RPS6KA3: variants seen among roughly 807,000 people sequenced by gnomAD.
The protein encoded by RPS6KA3 is ribosomal protein S6 kinase A3.
Under a neutral mutation model 67.2 loss-of-function variants are expected in RPS6KA3, and 4 were observed. The observed-to-expected ratio is 0.06, with a 90% CI of 0.03 to 0.14. RPS6KA3 has a LOEUF of 0.14. Among genes scored for constraint, RPS6KA3 ranks in the 10% least tolerant of loss-of-function variants. The pLI, the probability that RPS6KA3 is intolerant of heterozygous loss-of-function variation, is 1.00. For synonymous variants in RPS6KA3, 182 were observed against 183.7 expected (o/e 0.99, Z 0.07); for missense variants, 204 against 559.0 (o/e 0.36, Z 6.40).
At chrX:20,265,735 G>C (rs2070358834) in intron 1 of RPS6KA3, 1 of 110,703 alleles carries the variant, frequency 9.0e-6, no homozygotes, top group Non-Finnish European at 1.9e-5. Context: ...GTGTAGTGAT[G>C]CGCCCGGGGA....
chrX:20,196,185 T>C (rs957558090), intron 4 of RPS6KA3, among the ~76,000 whole-genome samples: 1 of 112,644 alleles, frequency 8.9e-6, no homozygotes, highest in Non-Finnish European at 1.9e-5. Flanking sequence ...AGCAAAGATG[T>C]GAAGGCATGA....
At chrX:20,259,204 T>C (rs2070156873) in intron 1 of RPS6KA3, among the ~76,000 whole-genome samples, 1 of 111,544 alleles carries the variant, frequency 9.0e-6, no homozygotes, top group Non-Finnish European at 1.9e-5. Flanking sequence ...TATTCTCTAG[T>C]AAGTGAAAAC....
At chrX:20,253,345 G>T (rs1481409414) in intron 1 of RPS6KA3, among the ~76,000 whole-genome samples, 1 of 111,056 alleles carries the variant, frequency 9.0e-6, no homozygotes, top group African/African-American at 3.3e-5. Flanking sequence ...TTGTCTAAAG[G>T]AAACAGGCTT....
At chrX:20,167,789 A>G (rs769638464) in intron 16 of RPS6KA3, 42 bp from the exon 17 acceptor site, 5 of 873,198 alleles carry the variant, frequency 5.7e-6, no homozygotes, top group Non-Finnish European at 8.5e-6. Context: ...ATTTGAAACT[A>G]TATGTGCCCA....
At position 20,166,709 on chromosome X, in the gene RPS6KA3, C is replaced by T. The variant is rs192122008; in HGVS notation, c.1602+880G>A. On this transcript the variant is annotated intron_variant, in intron 17 of 21. Transcript: ENST00000379565. ...ATTTTCTCCTTTCCTCCCAGACTTC[C>T]CTTCTTTTTTTTTTTTTTTTTTTTT... 9.6e-3 allele frequency among the ~76,000 whole-genome samples: 1,004 copies of T among 104,297 alleles called. 4 individuals are homozygous for T. Among genetic ancestry groups the T allele is most frequent in the Non-Finnish European group, 0.016 (811 of 51,181 alleles). 90.6% of individuals were successfully genotyped at this position (104,297 alleles called of 115,157 possible). A position where few individuals can be genotyped will look rare whatever the true frequency, so the allele number is the denominator to read the frequency against.
At chrX:20,173,050 G>C (rs1182217098) in intron 14 of RPS6KA3, among the ~76,000 whole-genome samples, 179 bp from the exon 15 acceptor site, 2 of 112,172 alleles carry the variant, frequency 1.8e-5, no homozygotes, top group Non-Finnish European at 3.8e-5. Context: ...TGTTTACAAT[G>C]AAGTGTACAG....
rs59662504 is a variant in RPS6KA3, at chrX:20,178,481, G to GTTTTT, written c.846-1402_846-1398dup. Reference sequence around the variant, plus strand: ...TGAGAAATCTAGAGCAAACAAATCAGTTTTTTTTTTTTTTTTTTTTAAGAC... The same window carrying GTTTTT: ...TGAGAAATCTAGAGCAAACAAATCAGTTTTTTTTTTTTTTTTTTTTTTTTTAAGAC... On this transcript the variant is annotated intron_variant, in intron 10 of 21. Transcript: ENST00000379565. Among the ~76,000 whole-genome samples, 558 of 84,378 alleles carry GTTTTT rather than the reference G, an allele frequency of 6.6e-3. 3 individuals are homozygous for GTTTTT. Among genetic ancestry groups the GTTTTT allele is most frequent in the African/African-American group, 0.018 (400 of 22,146 alleles). 73.3% of individuals were successfully genotyped at this position (84,378 alleles called of 115,157 possible). A position where few individuals can be genotyped will look rare whatever the true frequency, so the allele number is the denominator to read the frequency against.
At chrX:20,253,590 T>C (rs765672214) in intron 1 of RPS6KA3, among the ~76,000 whole-genome samples, 71 of 111,507 alleles carry the variant, frequency 6.4e-4, no homozygotes, top group Non-Finnish European at 7.2e-4. Flanking sequence ...CAAGGAGGAA[T>C]AGGGGTCCTC....
intron 2 of RPS6KA3, among the ~76,000 whole-genome samples, chrX:20,216,460 A>C (rs1438816890): frequency 9.0e-6 from 1 of 111,320 alleles, no homozygotes; most frequent in East Asian, 2.8e-4. Context: ...AATGGACCAA[A>C]AACTTTGCCG....
At chrX:20,205,108 T>G (rs1342612010) in intron 3 of RPS6KA3, among the ~76,000 whole-genome samples, 1 of 112,299 alleles carries the variant, frequency 8.9e-6, no homozygotes, top group African/African-American at 3.2e-5. Context: ...TGCAAATATT[T>G]GCGCAAAATG....
At position 20,209,289 on chromosome X, in the gene RPS6KA3, T is replaced by A; in HGVS notation, c.242A>T (p.Lys81Met). ...AAAAAGCACACACTCATGACTTACC[T>A]TTCCAAATGATCCCTGCCCTAATAC... is the stretch of plus-strand genomic sequence containing the variant. ...LKVLGQGSFG[K>M]VFLVKKISGS... Residue 81 changes from lysine to methionine, a missense_variant and splice_region_variant, in exon 3 of 22, where the codon AAG becomes ATG. Lys to Met is a moderately conservative substitution (Grantham distance 95, BLOSUM62 -1). Coordinates refer to ENST00000379565, the MANE Select transcript of RPS6KA3 (RefSeq NM_004586.3). 9.1e-7 allele frequency: 1 copy of A among 1,100,551 alleles called. No homozygotes were observed. Among genetic ancestry groups the A allele is most frequent in the Non-Finnish European group, 1.3e-6 (1 of 794,702 alleles). 90.7% of individuals were successfully genotyped at this position (1,100,551 alleles called of 1,213,427 possible). A position where few individuals can be genotyped will look rare whatever the true frequency, so the allele number is the denominator to read the frequency against.
rs1207853853 is a variant in RPS6KA3, at chrX:20,152,093, C to A, written c.*3305G>T. On this transcript the variant is annotated 3_prime_UTR_variant, in exon 22 of 22. Transcript: ENST00000379565. ...ATGTGGAAACTCTACAGCATACACA[C>A]CACAGCTTCTCTCCAGACAATCATA... is the stretch of plus-strand genomic sequence containing the variant. 8.9e-6 allele frequency: 1 copy of A among 112,206 alleles called. No individual in the cohort carries two copies. Among genetic ancestry groups the A allele is most frequent in the Non-Finnish European group, 1.9e-5 (1 of 53,294 alleles). The allele number at this position is 112,206 out of a possible 1,213,427, so 9.2% of individuals were successfully genotyped here.
chrX:20,194,895 A>G (rs1342773947), intron 5 of RPS6KA3, among the ~76,000 whole-genome samples, 170 bp downstream of exon 5: 1 of 111,548 alleles, frequency 9.0e-6, no homozygotes, highest in African/African-American at 3.3e-5. Flanking sequence ...AAACAATAAA[A>G]GCTTCTAAAG....
chrX:20,207,640 G>T, intron 3 of RPS6KA3, among the ~76,000 whole-genome samples: 1 of 111,512 alleles, frequency 9.0e-6, no homozygotes. Context: ...AGGAAATGGG[G>T]ATCCAAGAGG....
intron 1 of RPS6KA3, among the ~76,000 whole-genome samples, chrX:20,257,175 AG>A (rs1330497661): frequency 8.9e-6 from 1 of 111,791 alleles, no homozygotes. Flanking sequence ...TGACTTGTCA[AG>A]GGGGGCACTC....
Position 20,156,096 on chromosome X carries a change from T to G in RPS6KA3, c.2100+13A>C. Reference sequence around the variant, plus strand: ...GGACCTGTGGAAAACAGTGACTGTATGGGGCTGCTCACCTTTACTAGATGT... The same window carrying G: ...GGACCTGTGGAAAACAGTGACTGTAGGGGGCTGCTCACCTTTACTAGATGT... On this transcript the variant is annotated intron_variant, in intron 21 of 21. Coordinates refer to ENST00000379565, the MANE Select transcript of RPS6KA3 (RefSeq NM_004586.3). The G allele has an allele frequency of 8.3e-7, 1 of 1,210,466 alleles. No individual in the cohort carries two copies. Among genetic ancestry groups the G allele is most frequent in the Non-Finnish European group, 1.1e-6 (1 of 894,692 alleles).
rs924768647 is a variant in RPS6KA3 at position 20,150,561 on chromosome X, A to G, written c.*4837T>C. On this transcript the variant is annotated 3_prime_UTR_variant, in exon 22 of 22. Transcript: ENST00000379565. The stretch of plus-strand genomic sequence containing the variant: ...TTAGATGGTAAACTACACTTACAGA[A>G]ACACAAACCAAAATCTTTATGCCCT... 6.2e-5 allele frequency: 7 copies of G among 112,627 alleles called. No homozygotes were observed. Among genetic ancestry groups the G allele is most frequent in the African/African-American group, 2.3e-4 (7 of 30,956 alleles). The allele number at this position is 112,627 out of a possible 1,213,427, so 9.3% of individuals were successfully genotyped here.
chrX:20,189,890 G>T (rs774919290), intron 7 of RPS6KA3, among the ~76,000 whole-genome samples: 11 of 111,638 alleles, frequency 9.9e-5, no homozygotes, highest in South Asian at 3.7e-4. Context: ...ATTCAGTAGG[G>T]ACATGTTTTT....
chrX:20,260,457 A>G (rs1027777160), intron 1 of RPS6KA3, among the ~76,000 whole-genome samples: 1 of 111,743 alleles, frequency 8.9e-6, no homozygotes, highest in Non-Finnish European at 1.9e-5. Context: ...ATTCTTCACA[A>G]TGTTGTTTTT....
Sources: gnomAD v4.1 joint callset for allele counts (sites outside exome capture counted in the v4.1 genomes callset) on GRCh38, gnomAD v4.1.1 for gene constraint, MANE v1.5 for transcripts, NCBI Gene and HGNC (gene_info 2026-07-23, HGNC 2026-07-21) for gene names.